BACE2: variants seen among roughly 807,000 people sequenced by gnomAD.
BACE2 encodes beta-secretase 2.
In BACE2, 17 loss-of-function variants were observed where a neutral mutation model predicts 46.2. The observed-to-expected ratio is 0.37, with a 90% CI of 0.25 to 0.55. The LOEUF is 0.55. BACE2 is among the 20% of genes least tolerant of loss of function. The pLI, the probability that BACE2 is intolerant of heterozygous loss-of-function variation, is 0.82. For synonymous variants in BACE2, 277 were observed against 295.9 expected, an observed-to-expected ratio of 0.94 and a Z score of 0.66; for missense variants, 595 against 698.1, an observed-to-expected ratio of 0.85 and a Z score of 1.66.
intron 1 of BACE2, chr21:41,179,208 T>C (rs755245553): frequency 2.5e-6 from 3 of 1,203,418 alleles, no homozygotes; most frequent in Non-Finnish European, 3.2e-6. Context: ...CCAGGTTGAG[T>C]GAGGGTGTCC....
intron 1 of BACE2, among the ~76,000 whole-genome samples, chr21:41,223,903 G>A (rs907363670): frequency 2.0e-5 from 3 of 152,214 alleles, no homozygotes; most frequent in South Asian, 2.1e-4. Context: ...CCCCAAGGGT[G>A]TGAGTGGATG....
intron 8 of BACE2, among the ~76,000 whole-genome samples, chr21:41,274,491 G>T (rs1363637524): frequency 6.6e-6 from 1 of 152,118 alleles, no homozygotes; most frequent in African/African-American, 2.4e-5. Context: ...TAGGAAAAAT[G>T]GGTAATGAGG....
Position 41,250,741 on chromosome 21 carries a change from G to A in BACE2, c.985-11G>A, listed in dbSNP as rs1475142296. The A allele has an allele frequency of 4.3e-6, 7 of 1,613,806 alleles. No homozygotes were observed. The highest frequency in any genetic ancestry group is 1.7e-5 in the Admixed American group (1 of 59,982). On this transcript the variant is annotated splice_polypyrimidine_tract_variant and intron_variant, in intron 6 of 8. Transcript: ENST00000330333. ...TAGTCATGGTTTCTGATGTGATCTT[G>A]TTTTGTCTAGATTCCAGAATTCTCT...
chr21:41,281,466 A>G lies in BACE2; in HGVS notation c.*5842A>G, dbSNP rs894221238. ...TTTTATTCACAAGGCACAGACAGAT[A>G]AGAATATCATAAGCAGGGAAGTGTC... is the stretch of plus-strand genomic sequence containing the variant. On this transcript the variant is annotated 3_prime_UTR_variant, in exon 9 of 9. Coordinates refer to ENST00000330333, the MANE Select transcript of BACE2 (RefSeq NM_012105.5). 1 of 152,232 alleles carries G rather than the reference A, an allele frequency of 6.6e-6. No individual in the cohort carries two copies. Among genetic ancestry groups the G allele is most frequent in the Non-Finnish European group, 1.5e-5 (1 of 68,046 alleles). 9.4% of individuals were successfully genotyped at this position (152,232 alleles called of 1,614,324 possible).
rs895641859 is a variant in BACE2 at position 41,184,198 on chromosome 21, C to T, written c.312+15623C>T. 3 of 167,018 alleles carry T rather than the reference C, an allele frequency of 1.8e-5. No homozygotes were observed. In the Admixed American group the frequency reaches 2.0e-4, roughly 11 times the overall value. 10.3% of individuals were successfully genotyped at this position (167,018 alleles called of 1,614,324 possible). ...AGGAGAGCTTGCCCTTCTGGGGTGT[C>T]TGGGCCTGCATTAGTATATTTCCTG... On this transcript the variant is annotated intron_variant, in intron 1 of 8. Coordinates refer to ENST00000330333, the MANE Select transcript of BACE2 (RefSeq NM_012105.5).
At chr21:41,176,080 C>T (rs530805797) in intron 1 of BACE2, 1 of 152,290 alleles carries the variant, frequency 6.6e-6, no homozygotes, top group East Asian at 1.9e-4. Flanking sequence ...ATCTGTAAAT[C>T]AGGGAATTTG....
intron 1 of BACE2, among the ~76,000 whole-genome samples, chr21:41,217,583 G>A (rs1298174217): frequency 6.6e-6 from 1 of 152,334 alleles, no homozygotes; most frequent in African/African-American, 2.4e-5. Flanking sequence ...GCTTTGGCGA[G>A]GTATCTGCTG....
intron 1 of BACE2, among the ~76,000 whole-genome samples, chr21:41,204,293 G>A (rs200602779): frequency 2.0e-5 from 3 of 152,082 alleles, no homozygotes; most frequent in South Asian, 4.2e-4. Context: ...TGGCCACCTC[G>A]GCCCCCCAAA....
chr21:41,180,864 C>A, intron 1 of BACE2: 1 of 167,252 alleles, frequency 6.0e-6, no homozygotes. Context: ...AGTAAATAAT[C>A]CAATGCTAGT....
chr21:41,189,513 T>C (rs1165404141), intron 1 of BACE2, among the ~76,000 whole-genome samples: 1 of 152,236 alleles, frequency 6.6e-6, no homozygotes, highest in Non-Finnish European at 1.5e-5. Flanking sequence ...GAGAAAATTA[T>C]GATTTTGCTT....
intron 1 of BACE2, among the ~76,000 whole-genome samples, chr21:41,188,283 T>C (rs768289238): frequency 6.6e-6 from 1 of 152,164 alleles, no homozygotes; most frequent in African/African-American, 2.4e-5. Flanking sequence ...TCTGTATCCA[T>C]GGACATATGC....
intron 1 of BACE2, among the ~76,000 whole-genome samples, chr21:41,204,178 G>A (rs536616204): frequency 2.4e-4 from 36 of 152,182 alleles, no homozygotes; most frequent in African/African-American, 8.7e-4. Flanking sequence ...CATCATGCCC[G>A]GCTAATTTTT....
chr21:41,247,116 C>T (rs945403107), intron 6 of BACE2, among the ~76,000 whole-genome samples: 1 of 152,162 alleles, frequency 6.6e-6, no homozygotes, highest in African/African-American at 2.4e-5. Context: ...GCTGTGATGG[C>T]TGAATTCAAA....
rs533603998 is a variant in BACE2 at position 41,262,870 on chromosome 21, T to G, written c.1303+5544T>G. 9.2e-5 allele frequency among the ~76,000 whole-genome samples: 14 copies of G among 152,240 alleles called. No individual in the cohort carries two copies. The South Asian group carries it at 1.9e-3, about 20-fold the overall frequency. On this transcript the variant is annotated intron_variant, in intron 8 of 8. Coordinates refer to ENST00000330333, the MANE Select transcript of BACE2 (RefSeq NM_012105.5). ...CTTCTATCCAGCCACATTGCTAAGT[T>G]CTCCTTTCTAGAAATGGTTTTTAGA...
Position 41,275,801 on chromosome 21 carries a change from T to C in BACE2, c.*177T>C, listed in dbSNP as rs2088482405. On this transcript the variant is annotated 3_prime_UTR_variant, in exon 9 of 9. Coordinates refer to ENST00000330333, the MANE Select transcript of BACE2 (RefSeq NM_012105.5). ...CTTTTGATTCTTGATTTTCAAGCTT[T>C]CAAATCCTCCCTACTTCCAAGAAAA... is the stretch of plus-strand genomic sequence containing the variant. The C allele has an allele frequency of 1.3e-6, 1 of 767,044 alleles. No individual in the cohort carries two copies. Among genetic ancestry groups the C allele is most frequent in the Non-Finnish European group, 2.0e-6 (1 of 494,824 alleles). 47.5% of individuals were successfully genotyped at this position (767,044 alleles called of 1,614,324 possible).
chr21:41,210,773 G>A (rs772233932), intron 1 of BACE2, among the ~76,000 whole-genome samples: 1 of 152,174 alleles, frequency 6.6e-6, no homozygotes, highest in Admixed American at 6.5e-5. Context: ...GCCTAACTGT[G>A]ATACACTTAA....
At chr21:41,169,217 C>T (rs1002414181) in intron 1 of BACE2, among the ~76,000 whole-genome samples, 10 of 152,070 alleles carry the variant, frequency 6.6e-5, no homozygotes, top group African/African-American at 2.4e-4. Flanking sequence ...GCTCATCCGG[C>T]GGCCCTGCCC....
chr21:41,243,612 G>A (rs772962045), intron 5 of BACE2, 102 bp downstream of exon 5: 33 of 1,228,120 alleles, frequency 2.7e-5, no homozygotes, highest in East Asian at 5.2e-5. Context: ...ACATTACCTC[G>A]TAAGATAAAG....
intron 1 of BACE2, among the ~76,000 whole-genome samples, chr21:41,223,075 C>T (rs957807124): frequency 6.6e-6 from 1 of 152,154 alleles, no homozygotes; most frequent in East Asian, 1.9e-4. Flanking sequence ...AGGAATGGGC[C>T]AGGTGCAGTG....
Sources: gnomAD v4.1 joint callset for allele counts (sites outside exome capture counted in the v4.1 genomes callset) on GRCh38, gnomAD v4.1.1 for gene constraint, MANE v1.5 for transcripts, NCBI Gene and HGNC (gene_info 2026-07-23, HGNC 2026-07-21) for gene names.